Variants in POLN observed in about 807,000 individuals in gnomAD.
The protein encoded by POLN is DNA polymerase nu.
POLN carries 108 observed loss-of-function variants against 113.5 expected under a neutral mutation model. That is an observed-to-expected ratio of 0.95 (90% confidence interval 0.81 to 1.12). The LOEUF (loss-of-function observed/expected upper bound fraction) is 1.12. Ranked by LOEUF, POLN falls within the 50% of genes most tolerant of loss-of-function variation. POLN has a pLI of 0.00. For missense variants in POLN, 1,097 were observed against 1,077.1 expected (o/e 1.02, Z -0.26); for synonymous variants, 386 against 391.5 (o/e 0.99, Z 0.17).
intron 21 of POLN, among the ~76,000 whole-genome samples, chr4:2,083,756 C>T (rs768841991): frequency 6.6e-5 from 10 of 152,274 alleles, no homozygotes; most frequent in Non-Finnish European, 1.3e-4. Context: ...CAGGAAAATC[C>T]GCATTAAATG....
At chr4:2,184,682 G>A (rs1733228039) in intron 7 of POLN, among the ~76,000 whole-genome samples, 1 of 152,140 alleles carries the variant, frequency 6.6e-6, no homozygotes, top group South Asian at 2.1e-4. Flanking sequence ...ATGTAACAGG[G>A]CTCCTTGAAG....
At chr4:2,220,281 C>T (rs943696763) in intron 3 of POLN, among the ~76,000 whole-genome samples, 3 of 152,180 alleles carry the variant, frequency 2.0e-5, no homozygotes, top group Non-Finnish European at 4.4e-5. Context: ...TCCTGCAGCT[C>T]TTAACCAGTG....
intron 14 of POLN, among the ~76,000 whole-genome samples, chr4:2,158,693 A>G (rs1732499102): frequency 6.6e-6 from 1 of 152,212 alleles, no homozygotes; most frequent in African/African-American, 2.4e-5. Context: ...AGGAAATGGC[A>G]GGTGTGTGAA....
intron 16 of POLN, among the ~76,000 whole-genome samples, chr4:2,131,701 T>A (rs1029888498): frequency 1.3e-5 from 2 of 152,222 alleles, no homozygotes; most frequent in African/African-American, 4.8e-5. Context: ...TTGATGCTGG[T>A]CATTCCCCTC....
At chr4:2,077,050 A>G (rs994822797) in intron 23 of POLN, 2 of 152,160 alleles carry the variant, frequency 1.3e-5, no homozygotes, top group South Asian at 2.1e-4. Context: ...TGGGAAGGAA[A>G]AGAGACTCCA....
chr4:2,119,886 T>C (rs966106786), intron 19 of POLN, among the ~76,000 whole-genome samples: 5 of 152,184 alleles, frequency 3.3e-5, no homozygotes, highest in Non-Finnish European at 5.9e-5. Context: ...TAAAAGCTTC[T>C]TATTTTTGAA....
chr4:2,228,995 C>G lies in POLN; in HGVS notation c.133+104G>C, dbSNP rs1283206576. 1.5e-5 allele frequency: 17 copies of G among 1,159,062 alleles called. No homozygotes were observed. In the South Asian group the frequency reaches 2.6e-4, roughly 18 times the overall value. 71.8% of individuals were successfully genotyped at this position (1,159,062 alleles called of 1,614,324 possible). On this transcript the variant is annotated intron_variant, in intron 3 of 25. Transcript: ENST00000511885. The stretch of plus-strand genomic sequence containing the variant: ...TGAATGAGTGTAAAAGGGGCGGGAG[C>G]TGGGCTTCATCTGTCTACATGCATT...
In POLN at chr4:2,203,635, A is replaced by G. The variant is rs139770940; in HGVS notation, c.714+4352T>C. On this transcript the variant is annotated intron_variant, in intron 5 of 25. Transcript: ENST00000511885. ...AACAATAGTGACACAACCTATCAAAACCTCTGGGATAGCCCTAAACACCTA... is the reference window on the plus strand; with the variant it reads ...AACAATAGTGACACAACCTATCAAAGCCTCTGGGATAGCCCTAAACACCTA... Among the ~76,000 whole-genome samples, 193 of 151,866 alleles carry G rather than the reference A, an allele frequency of 1.3e-3. 1 individual carries two copies. Among genetic ancestry groups the G allele is most frequent in the African/African-American group, 4.4e-3 (184 of 41,404 alleles).
intron 20 of POLN, among the ~76,000 whole-genome samples, chr4:2,086,765 G>C (rs1395648886): frequency 6.6e-6 from 1 of 152,166 alleles, no homozygotes; most frequent in Non-Finnish European, 1.5e-5. Flanking sequence ...TGCCTTCCTG[G>C]GGGAGCATGG....
chr4:2,242,116 C>A lies in POLN; in HGVS notation c.-349G>T, dbSNP rs1735015466. ...ACCGCCCTCCGTGCCCCGCGCGCCTCGCACTGCCTCACGGGAGCGCCTGGA... is the reference window on the plus strand; with the variant it reads ...ACCGCCCTCCGTGCCCCGCGCGCCTAGCACTGCCTCACGGGAGCGCCTGGA... On this transcript the variant is annotated 5_prime_UTR_variant, in exon 1 of 26. Coordinates refer to ENST00000511885, the MANE Select transcript of POLN (RefSeq NM_181808.4). The A allele has an allele frequency of 3.0e-6, 3 of 985,732 alleles. No individual in the cohort carries two copies. Among genetic ancestry groups the A allele is most frequent in the Non-Finnish European group, 2.4e-6 (2 of 830,226 alleles). 61.1% of individuals were successfully genotyped at this position (985,732 alleles called of 1,614,324 possible).
At chr4:2,090,143 CATT>C in intron 20 of POLN, 2 of 1,025,550 alleles carry the variant, frequency 2.0e-6, no homozygotes, top group South Asian at 3.2e-5. Flanking sequence ...GAACTTTGAA[CATT>C]ATCAGCTGAA....
chr4:2,178,257 T>G (rs1733043724), intron 8 of POLN, among the ~76,000 whole-genome samples: 1 of 151,974 alleles, frequency 6.6e-6, no homozygotes, highest in African/African-American at 2.4e-5. Flanking sequence ...GCACACAGCT[T>G]GGGCTCACAT....
intron 13 of POLN, among the ~76,000 whole-genome samples, chr4:2,165,017 G>A (rs570633273): frequency 6.6e-6 from 1 of 151,970 alleles, no homozygotes; most frequent in Admixed American, 6.6e-5. Flanking sequence ...AGACAGTTTG[G>A]CGGTTTCTTA....
At chr4:2,081,852 G>A (rs1730429432) in intron 21 of POLN, 109 bp from the exon 22 acceptor site, 3 of 863,072 alleles carry the variant, frequency 3.5e-6, no homozygotes, top group Non-Finnish European at 5.6e-6. Context: ...GCACTGCAGT[G>A]CAGACTCCAA....
Position 2,187,053 on chromosome 4 carries a change from G to C in POLN, c.1021+6151C>G, listed in dbSNP as rs79081943. Among the ~76,000 whole-genome samples the C allele has an allele frequency of 2.3e-3, 343 of 152,194 alleles. 1 individual carries two copies. Among genetic ancestry groups the C allele is most frequent in the African/African-American group, 7.8e-3 (324 of 41,514 alleles). On this transcript the variant is annotated intron_variant, in intron 7 of 25. Coordinates refer to ENST00000511885, the MANE Select transcript of POLN (RefSeq NM_181808.4). ...CAGTGGGTCTGAAGATAGACTACTG[G>C]AAAAGACACAGAGGAGTAAAAAGAA...
intron 14 of POLN, 38 bp downstream of exon 14, chr4:2,159,115 CAT>C (rs778280932): frequency 5.5e-6 from 8 of 1,449,958 alleles, no homozygotes; most frequent in Non-Finnish European, 5.8e-6. Flanking sequence ...GGTTCCCCCT[CAT>C]CACCTTTTAC....
intron 19 of POLN, among the ~76,000 whole-genome samples, chr4:2,105,490 A>T (rs1312329276): frequency 6.6e-6 from 1 of 152,192 alleles, no homozygotes; most frequent in Non-Finnish European, 1.5e-5. Flanking sequence ...AATTAAGAGG[A>T]ATAAATCTAT....
chr4:2,077,792 C>T (rs975929961), intron 23 of POLN, among the ~76,000 whole-genome samples: 3 of 152,228 alleles, frequency 2.0e-5, no homozygotes, highest in Non-Finnish European at 2.9e-5. Context: ...CTCGCAGCCA[C>T]TGAGACATGA....
At chr4:2,182,311 G>A (rs1485114118) in intron 7 of POLN, among the ~76,000 whole-genome samples, 1 of 152,132 alleles carries the variant, frequency 6.6e-6, no homozygotes, top group Non-Finnish European at 1.5e-5. Context: ...CTTAAGTTAG[G>A]GTGAGCCCTA....
Sources: allele counts gnomAD v4.1 joint callset (sites outside exome capture counted in the v4.1 genomes callset), GRCh38; gene constraint gnomAD v4.1.1; transcripts MANE v1.5; gene names NCBI Gene and HGNC (gene_info 2026-07-23, HGNC 2026-07-21).